The following FABP6 variants were observed in gnomAD, a reference collection of about 807,000 sequenced individuals.
FABP6 encodes gastrotropin.
A neutral mutation model predicts 14.9 loss-of-function variants in FABP6; 13 were observed. The ratio of observed to expected loss-of-function variants is 0.87; its 90% CI spans 0.57 to 1.39. The LOEUF (loss-of-function observed/expected upper bound fraction) is 1.39, where lower values mean the gene tolerates loss of function less well. Among genes scored for constraint, FABP6 ranks in the 40% most tolerant of loss-of-function variants. The pLI, the probability that FABP6 is intolerant of heterozygous loss-of-function variation, is 0.00. For synonymous variants in FABP6, 75 were observed against 63.6 expected (o/e 1.18, Z -0.85); for missense variants, 161 against 167.2 (o/e 0.96, Z 0.20).
upstream of FABP6, among the ~76,000 whole-genome samples, chr5:160,226,025 T>G (rs1175766971): frequency 1.3e-5 from 2 of 150,760 alleles, no homozygotes; most frequent in African/African-American, 4.9e-5. Context: ...AACAGAAAAA[T>G]TAGCCGGGCG....
chr5:160,238,716 A>AAG (rs1760574731), downstream of FABP6: 21 of 1,556,572 alleles, frequency 1.3e-5, no homozygotes, highest in Non-Finnish European at 1.9e-5. Context: ...ATATAAGGAC[A>AAG]GACGCTGCTC....
At chr5:160,216,570 C>G (rs944042600) in intron 3 of FABP6, among the ~76,000 whole-genome samples, 1 of 152,060 alleles carries the variant, frequency 6.6e-6, no homozygotes, top group Non-Finnish European at 1.5e-5. Context: ...GCCTGCCTGG[C>G]CCTCATTGTA....
chr5:160,215,635 C>A (rs139415358), intron 3 of FABP6, among the ~76,000 whole-genome samples: 128 of 150,804 alleles, frequency 8.5e-4, no homozygotes, highest in African/African-American at 3.1e-3. Context: ...TGGCAATGAG[C>A]CATGATTTTG....
chr5:160,229,479 A>G (rs1316233056), upstream of FABP6: 2 of 1,607,432 alleles, frequency 1.2e-6, no homozygotes, highest in Non-Finnish European at 1.7e-6. Flanking sequence ...GGGAGAGTTT[A>G]TAAGCTGGGA....
rs749744390 is a variant in FABP6 at position 160,229,596 on chromosome 5, G to T, written c.39G>T (p.Lys13Asn). ...GCAAGTTCGAGATGGAGAGTGAGAA[G>T]AATTATGATGAGTTCATGAAGCTCC... ...FTGKFEMESE[K>N]NYDEFMKLLG... is the part of the protein sequence containing the mutation. Residue 13 changes from lysine to asparagine, a missense_variant, in exon 1 of 4, where the codon AAG (lysine) becomes AAT (asparagine). Physicochemically the swap from Lys to Asn is moderately conservative, Grantham distance 94 (BLOSUM62 0). Coordinates refer to ENST00000402432, the MANE Select transcript of FABP6 (RefSeq NM_001445.3). The T allele has an allele frequency of 1.9e-6, 3 of 1,613,978 alleles. No homozygotes were observed. Among genetic ancestry groups the T allele is most frequent in the East Asian group, 2.2e-5 (1 of 44,866 alleles).
intron 2 of FABP6, 113 bp downstream of exon 2, chr5:160,232,386 A>T: frequency 9.1e-7 from 1 of 1,095,664 alleles, no homozygotes; most frequent in Non-Finnish European, 1.3e-6. Context: ...TTTGGCCTCC[A>T]GCATTAGGAG....
At chr5:160,191,391 C>T (rs58002537) in intron 1 of FABP6, among the ~76,000 whole-genome samples, 13,930 of 151,752 alleles carry the variant, frequency 0.092, 853 homozygotes, top group East Asian at 0.36. Context: ...CGCTTGAAAC[C>T]GGGAGGCAGA....
chr5:160,233,844 C>G (rs958874379), intron 2 of FABP6, among the ~76,000 whole-genome samples: 25 of 151,420 alleles, frequency 1.7e-4, no homozygotes, highest in Admixed American at 1.5e-3. Flanking sequence ...TGCACTCCAG[C>G]CTGGGCAACA....
At chr5:160,209,044 G>A (rs1759829532) in intron 2 of FABP6, among the ~76,000 whole-genome samples, 2 of 151,444 alleles carry the variant, frequency 1.3e-5, no homozygotes, top group Admixed American at 6.6e-5. Context: ...CCAGAGTACT[G>A]CGATTACAGG....
At chr5:160,214,109 TTCTTTC>T (rs1308804534) in intron 3 of FABP6, among the ~76,000 whole-genome samples, 1 of 134,360 alleles carries the variant, frequency 7.4e-6, no homozygotes, top group African/African-American at 3.0e-5. Flanking sequence ...CTTTCTTTCT[TTCTTTC>T]TTTCTTTCTT....
chr5:160,219,028 T>C (rs1415088101), intron 3 of FABP6, among the ~76,000 whole-genome samples: 1 of 152,238 alleles, frequency 6.6e-6, no homozygotes, highest in African/African-American at 2.4e-5. Flanking sequence ...AGTATCATCA[T>C]GGGAAAATAT....
intron 1 of FABP6, among the ~76,000 whole-genome samples, chr5:160,188,867 TG>T (rs1759343003): frequency 6.6e-6 from 1 of 152,124 alleles, no homozygotes; most frequent in African/African-American, 2.4e-5. Context: ...CCCATCCCCT[TG>T]GGGTGGCCCC....
chr5:160,225,945 G>A (rs1482219273), upstream of FABP6, among the ~76,000 whole-genome samples: 2 of 152,008 alleles, frequency 1.3e-5, no homozygotes, highest in East Asian at 1.9e-4. Flanking sequence ...AGGCCGAGGC[G>A]AGTGGATCAC....
At chr5:160,230,040 A>AT (rs11405855) in intron 1 of FABP6, among the ~76,000 whole-genome samples, 94,840 of 144,384 alleles carry the variant, frequency 0.66, 31,452 homozygotes, top group East Asian at 0.86. Context: ...CGCCCGGCTA[A>AT]TTTTTTTTTT....
At chr5:160,219,536 G>A (rs1760088548) in intron 3 of FABP6, among the ~76,000 whole-genome samples, 1 of 152,138 alleles carries the variant, frequency 6.6e-6, no homozygotes, top group Non-Finnish European at 1.5e-5. Flanking sequence ...ATGGGTGGAT[G>A]GAAGGTGGAG....
intron 3 of FABP6, among the ~76,000 whole-genome samples, chr5:160,222,158 T>C (rs1760142979): frequency 6.7e-6 from 1 of 148,182 alleles, no homozygotes; most frequent in African/African-American, 2.5e-5. Context: ...AGTATTGCAA[T>C]CATAGCTCAC....
intron 3 of FABP6, among the ~76,000 whole-genome samples, chr5:160,214,089 CTCTT>C (rs10605033): frequency 0.28 from 32,100 of 115,814 alleles, 4,199 homozygotes; most frequent in Middle Eastern, 0.34. Flanking sequence ...GCCTGCCTTT[CTCTT>C]TCTTTCTTTC....
chr5:160,204,298 T>C (rs1395410656), intron 2 of FABP6, among the ~76,000 whole-genome samples: 1 of 152,000 alleles, frequency 6.6e-6, no homozygotes, highest in Non-Finnish European at 1.5e-5. Flanking sequence ...GCCTGGGCAA[T>C]AGAGTGAGAC....
intron 2 of FABP6, among the ~76,000 whole-genome samples, chr5:160,206,917 G>A (rs1759780660): frequency 6.6e-6 from 1 of 152,070 alleles, no homozygotes; most frequent in Admixed American, 6.6e-5. Flanking sequence ...ACCTTCAAAG[G>A]CGAAAAAAAC....
Sources: gnomAD v4.1 joint callset for allele counts (sites outside exome capture counted in the v4.1 genomes callset) on GRCh38, gnomAD v4.1.1 for gene constraint, MANE v1.5 for transcripts, NCBI Gene and HGNC (gene_info 2026-07-23, HGNC 2026-07-21) for gene names.